The following SPOP variants were observed in gnomAD, a reference collection of about 807,000 sequenced individuals.
SPOP encodes speckle type BTB/POZ protein.
In SPOP, 11 loss-of-function variants were observed where a neutral mutation model predicts 45.6. The observed-to-expected ratio is 0.24, with a 90% confidence interval of 0.15 to 0.40. The LOEUF (loss-of-function observed/expected upper bound fraction) is 0.40. SPOP is among the 10% of genes least tolerant of loss of function. SPOP has a pLI of 1.00. For synonymous variants in SPOP, 166 were observed against 166.3 expected (o/e 1.00, Z 0.01); for missense variants, 152 against 465.6 (o/e 0.33, Z 6.20).
At chr17:49,658,365 C>A (rs1242296146) in intron 1 of SPOP, among the ~76,000 whole-genome samples, 1 of 152,066 alleles carries the variant, frequency 6.6e-6, no homozygotes, top group East Asian at 1.9e-4. Flanking sequence ...TCAGCAAAAG[C>A]AAATACTTTT....
At chr17:49,676,602 C>A (rs902809779) in intron 1 of SPOP, among the ~76,000 whole-genome samples, 23 of 152,152 alleles carry the variant, frequency 1.5e-4, no homozygotes, top group African/African-American at 5.1e-4. Flanking sequence ...AGCTAGGAGA[C>A]GGGATTGGCA....
chr17:49,664,477 T>C (rs905732921), intron 1 of SPOP, among the ~76,000 whole-genome samples: 3 of 152,198 alleles, frequency 2.0e-5, no homozygotes, highest in Non-Finnish European at 2.9e-5. Flanking sequence ...TTTATAGTAA[T>C]AAATATTTTT....
intron 5 of SPOP, among the ~76,000 whole-genome samples, chr17:49,617,176 C>G (rs1481388887): frequency 6.6e-6 from 1 of 152,210 alleles, no homozygotes; most frequent in Admixed American, 6.5e-5. Context: ...TTGCCTAACA[C>G]TGCCAGATGC....
chr17:49,637,507 C>T (rs892851668), intron 1 of SPOP, among the ~76,000 whole-genome samples: 6 of 152,048 alleles, frequency 3.9e-5, no homozygotes, highest in African/African-American at 7.2e-5. Context: ...CCTGCCACCA[C>T]GCCTGGCTAA....
At chr17:49,620,586 T>C (rs1174340301) in intron 3 of SPOP, 4 of 153,902 alleles carry the variant, frequency 2.6e-5, no homozygotes, top group African/African-American at 7.2e-5. Context: ...AGAGGCAATA[T>C]GAAGGAAGCA....
intron 1 of SPOP, among the ~76,000 whole-genome samples, chr17:49,645,307 T>TA (rs1007765941): frequency 6.9e-6 from 1 of 145,604 alleles, no homozygotes; most frequent in African/African-American, 2.5e-5. Context: ...TCTTTCCTTC[T>TA]TTTTTTTTTT....
intron 6 of SPOP, among the ~76,000 whole-genome samples, chr17:49,608,395 C>T (rs1234138220): frequency 2.0e-5 from 3 of 152,150 alleles, no homozygotes; most frequent in African/African-American, 7.2e-5. Context: ...AGATGAAGCG[C>T]ATGCTCACCT....
chr17:49,660,809 CA>C (rs1051991943), intron 1 of SPOP, among the ~76,000 whole-genome samples: 2 of 151,936 alleles, frequency 1.3e-5, no homozygotes, highest in African/African-American at 4.8e-5. Flanking sequence ...ATAAAAAATA[CA>C]AAAAAATTAG....
intron 1 of SPOP, among the ~76,000 whole-genome samples, chr17:49,648,194 C>T (rs2072789879): frequency 3.3e-5 from 5 of 152,228 alleles, no homozygotes; most frequent in Admixed American, 3.3e-4. Flanking sequence ...CCAGCTTCCT[C>T]TGTAGCCCAA....
intron 1 of SPOP, among the ~76,000 whole-genome samples, chr17:49,647,440 A>T (rs1349926574): frequency 6.6e-6 from 1 of 151,358 alleles, no homozygotes; most frequent in African/African-American, 2.4e-5. Flanking sequence ...GGATCCTGGG[A>T]ACGAATCCTA....
At chr17:49,617,123 G>A (rs752072179) in intron 5 of SPOP, among the ~76,000 whole-genome samples, 1 of 152,148 alleles carries the variant, frequency 6.6e-6, no homozygotes, top group Non-Finnish European at 1.5e-5. Flanking sequence ...GAAAAGGCTG[G>A]ACCCACTGTG....
At chr17:49,660,526 TGA>T (rs1427521537) in intron 1 of SPOP, among the ~76,000 whole-genome samples, 1 of 152,190 alleles carries the variant, frequency 6.6e-6, no homozygotes, top group African/African-American at 2.4e-5. Flanking sequence ...ATAAGCTCCA[TGA>T]GAGTAGGGAT....
At chr17:49,635,539 G>A (rs1257904230) in intron 1 of SPOP, among the ~76,000 whole-genome samples, 2 of 151,650 alleles carry the variant, frequency 1.3e-5, no homozygotes, top group Non-Finnish European at 2.9e-5. Context: ...AGAGATATGA[G>A]CTCCAAGGTA....
chr17:49,676,421 G>C (rs142667924), intron 1 of SPOP, among the ~76,000 whole-genome samples: 28 of 152,304 alleles, frequency 1.8e-4, no homozygotes, highest in African/African-American at 6.7e-4. Context: ...AACCCTGTAA[G>C]GGCCAGGGTT....
intron 1 of SPOP, among the ~76,000 whole-genome samples, chr17:49,663,286 G>A (rs2073012718): frequency 1.3e-5 from 2 of 152,172 alleles, no homozygotes; most frequent in African/African-American, 2.4e-5. Context: ...CTCCTTATGA[G>A]AATCTAATAC....
chr17:49,600,476 C>A lies in SPOP; in HGVS notation c.1027G>T (p.Val343Leu). The A allele has an allele frequency of 6.2e-7, 1 of 1,614,092 alleles. No individual in the cohort carries two copies. The highest frequency in any genetic ancestry group is 1.1e-5 in the South Asian group (1 of 91,084). The change falls in exon 10 of 10, where the codon GTG (valine) becomes TTG (leucine). Residue 343 changes from valine to leucine, a missense_variant. Around this residue, in one of 3 missense-constraint regions of SPOP, gnomAD observed 106 missense variants for 255.2 expected, o/e 0.42. Transcript: ENST00000504102. This position sits in a 1 kb window ranked among gnomAD's most constrained non-coding sequence, Gnocchi z 4.2. Reference protein sequence around the residue: ...LETSGWKSMVVSHPHLVAEAY... With the variant: ...LETSGWKSMVLSHPHLVAEAY... The stretch of plus-strand genomic sequence containing the variant: ...TCAGCCACCAAGTGGGGATGTGACA[C>A]CACCATTGACTTCCACCCAGAGGTC...
At chr17:49,650,481 G>A (rs1400272515) in intron 1 of SPOP, among the ~76,000 whole-genome samples, 1 of 152,160 alleles carries the variant, frequency 6.6e-6, no homozygotes, top group East Asian at 1.9e-4. Flanking sequence ...TCGGGAGGCT[G>A]AGGCAGGAGA....
chr17:49,666,344 G>A (rs1276682826), intron 1 of SPOP, among the ~76,000 whole-genome samples: 1 of 151,754 alleles, frequency 6.6e-6, no homozygotes, highest in Non-Finnish European at 1.5e-5. Flanking sequence ...AACTCCAGGT[G>A]GATTAGAGAC....
intron 1 of SPOP, among the ~76,000 whole-genome samples, chr17:49,655,132 T>A (rs1210750029): frequency 6.6e-6 from 1 of 152,158 alleles, no homozygotes; most frequent in Non-Finnish European, 1.5e-5. Flanking sequence ...AGAAAGTTAC[T>A]GAGTTTAAAA....
Sources: allele counts gnomAD v4.1 joint callset (sites outside exome capture counted in the v4.1 genomes callset), GRCh38; gene constraint gnomAD v4.1.1; regional missense constraint gnomAD v4.1.1; non-coding constraint Gnocchi (gnomAD v3.1); transcripts MANE v1.5; gene names NCBI Gene and HGNC (gene_info 2026-07-23, HGNC 2026-07-21).